The following DENND4C variants were observed in gnomAD, a reference collection of about 807,000 sequenced individuals.
DENND4C encodes the protein DENN domain containing 4C, also known as DENN domain-containing protein 4C.
A neutral mutation model predicts 203.0 loss-of-function variants in DENND4C; 108 were observed. The ratio of observed to expected loss-of-function variants is 0.53; its 90% CI spans 0.46 to 0.62. DENND4C has a LOEUF of 0.62. Among genes scored for constraint, DENND4C ranks in the 20% least tolerant of loss-of-function variants. DENND4C has a pLI of 0.00. For missense variants in DENND4C, 2,481 were observed against 2,301.2 expected (o/e 1.08, Z -1.60); for synonymous variants, 871 against 792.4 (o/e 1.10, Z -1.67).
At chr9:19,297,995 T>G in intron 6 of DENND4C, 61 bp from the exon 7 acceptor site, 1 of 1,331,332 alleles carries the variant, frequency 7.5e-7, no homozygotes, top group East Asian at 2.5e-5. Flanking sequence ...TAAGATTTGT[T>G]AAAAACTGTG....
At chr9:19,361,457 A>T (rs1052521286) in intron 29 of DENND4C, among the ~76,000 whole-genome samples, 1 of 152,148 alleles carries the variant, frequency 6.6e-6, no homozygotes, top group Non-Finnish European at 1.5e-5. Context: ...CAGGCCCTAA[A>T]CATATACATG....
intron 1 of DENND4C, among the ~76,000 whole-genome samples, chr9:19,263,528 T>C (rs918447742): frequency 3.9e-5 from 6 of 151,936 alleles, no homozygotes; most frequent in Admixed American, 3.9e-4. Flanking sequence ...TGCTAATTTT[T>C]TTGTGTTTTT....
rs1429614145 is a variant in DENND4C, at chr9:19,372,704, T to A, written c.*531T>A. 1.3e-5 allele frequency: 2 copies of A among 152,254 alleles called. No individual in the cohort carries two copies. Among genetic ancestry groups the A allele is most frequent in the Non-Finnish European group, 2.9e-5 (2 of 68,234 alleles). 9.4% of individuals were successfully genotyped at this position (152,254 alleles called of 1,614,324 possible). On this transcript the variant is annotated 3_prime_UTR_variant, in exon 33 of 33. Coordinates refer to ENST00000434457, the MANE Select transcript of DENND4C (RefSeq NM_001330640.2). Reference sequence around the variant, plus strand: ...GCCTGGCCAACACGGTGAGACCCTGTCTTTACTAAAAATACAAAAATTAGC... The same window carrying A: ...GCCTGGCCAACACGGTGAGACCCTGACTTTACTAAAAATACAAAAATTAGC...
chr9:19,307,884 T>C (rs1373654472), intron 10 of DENND4C, among the ~76,000 whole-genome samples: 1 of 152,062 alleles, frequency 6.6e-6, no homozygotes, highest in Non-Finnish European at 1.5e-5. Context: ...AACCATCATC[T>C]TGGATAAACT....
intron 1 of DENND4C, among the ~76,000 whole-genome samples, chr9:19,260,160 C>G (rs907339878): frequency 3.9e-5 from 6 of 152,150 alleles, no homozygotes; most frequent in Non-Finnish European, 7.3e-5. Flanking sequence ...GCCATTTTAA[C>G]TGGTGTGAGA....
chr9:19,263,506 G>A (rs1025991580), intron 1 of DENND4C, among the ~76,000 whole-genome samples: 1 of 151,102 alleles, frequency 6.6e-6, no homozygotes, highest in Admixed American at 6.6e-5. Context: ...ACAGGCGTGC[G>A]CCACCGTGCC....
Position 19,286,730 on chromosome 9 carries a change from ATATATC to A in DENND4C, c.306-29_306-24del, listed in dbSNP as rs1385049999. ...TATGTACATATGTATGTGTGTATGT[ATATATC>A]TATATCTATTTCTTCCCCTTCCTGC... On this transcript the variant is annotated intron_variant, in intron 2 of 32. Transcript: ENST00000434457. 37 of 1,222,858 alleles carry A rather than the reference ATATATC, an allele frequency of 3.0e-5. No individual in the cohort carries two copies. In the African/African-American group the frequency reaches 5.5e-4, roughly 18 times the overall value. 75.8% of individuals were successfully genotyped at this position (1,222,858 alleles called of 1,614,324 possible). A position where few individuals can be genotyped will look rare whatever the true frequency, so the allele number is the denominator to read the frequency against.
Position 19,360,462 on chromosome 9 carries a change from A to T in DENND4C, c.5379A>T (p.Thr1793=). 6.2e-7 allele frequency: 1 copy of T among 1,614,152 alleles called. No homozygotes were observed. The highest frequency in any genetic ancestry group is 8.5e-7 in the Non-Finnish European group (1 of 1,180,000). ...GTAACTTGCCAGGACTTATCCTCAC[A>T]TCTGAACATTGTAATGAAGGTGTAC... The part of the protein sequence containing the change: ...LPSNLPGLIL[T]SEHCNEGVQL... The change falls in exon 29 of 33, where the codon ACA becomes ACT. Residue 1793 remains threonine (T), a synonymous_variant. Coordinates refer to ENST00000434457, the MANE Select transcript of DENND4C (RefSeq NM_001330640.2).
intron 30 of DENND4C, among the ~76,000 whole-genome samples, chr9:19,364,498 A>G (rs1827197042): frequency 6.6e-6 from 1 of 152,170 alleles, no homozygotes; most frequent in Non-Finnish European, 1.5e-5. Flanking sequence ...CTTTTGAGAC[A>G]GGGTCATGTC....
intron 10 of DENND4C, among the ~76,000 whole-genome samples, chr9:19,309,144 C>G (rs559267095): frequency 3.3e-5 from 5 of 151,988 alleles, no homozygotes; most frequent in African/African-American, 9.7e-5. Context: ...GCTTGTAGGC[C>G]GGGAGTGGTG....
At chr9:19,367,452 A>AG (rs1336490892) in intron 30 of DENND4C, among the ~76,000 whole-genome samples, 1 of 152,232 alleles carries the variant, frequency 6.6e-6, no homozygotes, top group African/African-American at 2.4e-5. Context: ...CTATGAATTG[A>AG]GGGCTGAGCG....
chr9:19,342,910 T>C, intron 22 of DENND4C, 131 bp downstream of exon 22: 1 of 690,036 alleles, frequency 1.4e-6, no homozygotes, highest in Non-Finnish European at 2.1e-6. Context: ...ACTTTTGAAT[T>C]CTCTAAATCG....
chr9:19,327,023 A>AT (rs66727956), intron 15 of DENND4C, among the ~76,000 whole-genome samples: 77,514 of 151,870 alleles, frequency 0.51, 20,537 homozygotes, highest in African/African-American at 0.67. Context: ...AAGTAAGTAC[A>AT]TCCCAAAATA....
chr9:19,314,402 C>G (rs1841365497), intron 10 of DENND4C, among the ~76,000 whole-genome samples: 1 of 151,470 alleles, frequency 6.6e-6, no homozygotes, highest in Non-Finnish European at 1.5e-5. Context: ...TGCAGTGAGC[C>G]AAGATCGCAC....
At chr9:19,277,677 CT>C (rs1253637966) in intron 2 of DENND4C, among the ~76,000 whole-genome samples, 1 of 151,790 alleles carries the variant, frequency 6.6e-6, no homozygotes, top group African/African-American at 2.4e-5. Context: ...ATTACTCTGG[CT>C]AGAACTTTTA....
chr9:19,323,175 C>A lies in DENND4C; in HGVS notation c.1808-1187C>A, dbSNP rs1843167562. ...AGAGGCTAGGTGCAGTGGCTCACGC[C>A]TGTAATCCCAGAACTTTGGGAGGCC... On this transcript the variant is annotated intron_variant, in intron 12 of 32. Transcript: ENST00000434457. Among the ~76,000 whole-genome samples the A allele has an allele frequency of 2.0e-5, 3 of 152,320 alleles. No homozygotes were observed. In the South Asian group the frequency reaches 6.2e-4, roughly 32 times the overall value.
chr9:19,306,744 T>G (rs954687464), intron 10 of DENND4C, among the ~76,000 whole-genome samples: 1 of 145,422 alleles, frequency 6.9e-6, no homozygotes, highest in African/African-American at 2.6e-5. Flanking sequence ...TTTGCACAAT[T>G]GTATTTATTT....
At chr9:19,355,549 G>A (rs12554577) in intron 26 of DENND4C, among the ~76,000 whole-genome samples, 1 of 151,836 alleles carries the variant, frequency 6.6e-6, no homozygotes, top group African/African-American at 2.4e-5. Context: ...CCTATCCTTT[G>A]CTTACTGCTA....
chr9:19,349,141 C>T (rs1018837954), intron 23 of DENND4C, among the ~76,000 whole-genome samples: 1 of 152,106 alleles, frequency 6.6e-6, no homozygotes, highest in Middle Eastern at 3.2e-3. Flanking sequence ...GTTATGAGGA[C>T]TCATGCCTGT....
Sources: gnomAD v4.1 joint callset for allele counts (sites outside exome capture counted in the v4.1 genomes callset) on GRCh38, gnomAD v4.1.1 for gene constraint, MANE v1.5 for transcripts, NCBI Gene and HGNC (gene_info 2026-07-23, HGNC 2026-07-21) for gene names.